PCDHA1: variants seen among roughly 807,000 people sequenced by gnomAD.
PCDHA1 encodes protocadherin alpha-1.
A neutral mutation model predicts 61.3 loss-of-function variants in PCDHA1; 42 were observed. The observed-to-expected ratio is 0.69, with a 90% confidence interval of 0.54 to 0.89. The LOEUF is 0.89. PCDHA1 is among the 40% of genes least tolerant of loss of function. The pLI, the probability that PCDHA1 is intolerant of heterozygous loss-of-function variation, is 0.00. For synonymous variants in PCDHA1, 610 were observed against 553.8 expected, an observed-to-expected ratio of 1.10 and a Z score of -1.43; for missense variants, 1,256 against 1,235.3, an observed-to-expected ratio of 1.02 and a Z score of -0.25.
chr5:140,843,741 A>T, intron 1 of PCDHA1: 3 of 1,536,408 alleles, frequency 2.0e-6, no homozygotes. Context: ...TTTAGAACTC[A>T]TAAATTCTAT....
At chr5:140,815,350 A>G (rs1244675676) in intron 1 of PCDHA1, 1 of 151,840 alleles carries the variant, frequency 6.6e-6, no homozygotes, top group East Asian at 1.9e-4. Context: ...TCTTTTGTAT[A>G]TCTTCCATAG....
intron 1 of PCDHA1, chr5:140,805,116 A>G (rs1237951232): frequency 1.3e-6 from 2 of 1,587,236 alleles, no homozygotes; most frequent in Non-Finnish European, 8.5e-7. Flanking sequence ...GTCTAACAAG[A>G]CTCTTGGCAA....
intron 1 of PCDHA1, among the ~76,000 whole-genome samples, chr5:140,838,763 C>A (rs1486404457): frequency 6.6e-6 from 1 of 151,830 alleles, no homozygotes; most frequent in Non-Finnish European, 1.5e-5. Context: ...TTTGTAGAGA[C>A]TTTGTAAAAT....
intron 1 of PCDHA1, chr5:140,805,565 A>C (rs1763594413): frequency 1.0e-6 from 1 of 969,672 alleles, no homozygotes; most frequent in Non-Finnish European, 1.2e-6. Context: ...AGGCAAGGAA[A>C]GTTTTTAAAT....
intron 1 of PCDHA1, chr5:140,863,555 T>A (rs2153224638): frequency 2.6e-6 from 1 of 378,382 alleles, no homozygotes; most frequent in East Asian, 6.5e-5. Flanking sequence ...CAATAGGAAA[T>A]TTTTGAGAAT....
At position 140,798,118 on chromosome 5, in the gene PCDHA1, C is replaced by G. The variant is rs147658023; in HGVS notation, c.2394+9434C>G. 7.7e-3 allele frequency among the ~76,000 whole-genome samples: 1,170 copies of G among 152,180 alleles called. 14 individuals are homozygous for G. The highest frequency in any genetic ancestry group is 0.027 in the African/African-American group (1,120 of 41,514). ...AACTCCTGGCCTCAAGTGATCCACC[C>G]TCCTAGGCCTCCCAAAGTGCTGGGA... On this transcript the variant is annotated intron_variant, in intron 1 of 3. Coordinates refer to ENST00000504120, the MANE Select transcript of PCDHA1 (RefSeq NM_018900.4).
intron 1 of PCDHA1, among the ~76,000 whole-genome samples, chr5:140,798,713 G>A (rs574253154): frequency 2.6e-5 from 4 of 152,264 alleles, no homozygotes; most frequent in African/African-American, 9.6e-5. Flanking sequence ...GCCTGGTCTT[G>A]GATGACTACA....
chr5:140,801,002 C>A, intron 1 of PCDHA1: 1 of 1,406,070 alleles, frequency 7.1e-7, no homozygotes, highest in South Asian at 1.7e-5. Flanking sequence ...CGTTTAGCCA[C>A]ATGATGTCGC....
At chr5:140,966,246 G>T (rs184430396) in intron 1 of PCDHA1, 5 of 319,412 alleles carry the variant, frequency 1.6e-5, no homozygotes, top group African/African-American at 6.4e-5. Flanking sequence ...TTAAGCAGGG[G>T]AGAGACGGTG....
chr5:140,928,792 G>T (rs1190569981), intron 1 of PCDHA1: 1 of 1,614,048 alleles, frequency 6.2e-7, no homozygotes, highest in African/African-American at 1.3e-5. Context: ...TAAGCAGAGG[G>T]TGGTGGTAGT....
intron 1 of PCDHA1, chr5:140,882,650 G>A (rs782695823): frequency 8.1e-6 from 13 of 1,614,212 alleles, no homozygotes; most frequent in Non-Finnish European, 8.5e-6. Context: ...GGACATTAAC[G>A]ACAACCCGCC....
intron 1 of PCDHA1, chr5:140,852,581 TA>T (rs1417948618): frequency 2.2e-5 from 18 of 832,290 alleles, no homozygotes; most frequent in South Asian, 5.3e-5. Flanking sequence ...AAGGCTTTTT[TA>T]TTTTTTTTTT....
At chr5:140,835,998 G>C in intron 1 of PCDHA1, 1 of 1,613,382 alleles carries the variant, frequency 6.2e-7, no homozygotes, top group African/African-American at 1.3e-5. Flanking sequence ...GAGCGCGCGC[G>C]ATGCGGGCGT....
At chr5:140,911,437 G>A (rs530362672) in intron 1 of PCDHA1, among the ~76,000 whole-genome samples, 3 of 152,166 alleles carry the variant, frequency 2.0e-5, no homozygotes, top group East Asian at 3.9e-4. Context: ...CCAATTTCCC[G>A]CAATTTCAGC....
At chr5:140,864,296 A>T (rs1232211439) in intron 1 of PCDHA1, 1 of 152,194 alleles carries the variant, frequency 6.6e-6, no homozygotes, top group African/African-American at 2.4e-5. Context: ...TATGTATTCA[A>T]AAATACCATG....
intron 1 of PCDHA1, chr5:140,807,065 A>G (rs1763837817): frequency 8.9e-7 from 1 of 1,125,474 alleles, no homozygotes; most frequent in Non-Finnish European, 1.3e-6. Context: ...ACTGGAAGGA[A>G]CCATATACAC....
intron 1 of PCDHA1, among the ~76,000 whole-genome samples, chr5:140,911,641 C>A (rs1403591383): frequency 6.6e-6 from 1 of 152,174 alleles, no homozygotes; most frequent in East Asian, 1.9e-4. Flanking sequence ...AAAGGTATTA[C>A]ATATAGAGTT....
chr5:140,973,639 T>C (rs1563426866), intron 1 of PCDHA1, among the ~76,000 whole-genome samples: 2 of 152,362 alleles, frequency 1.3e-5, no homozygotes, highest in East Asian at 3.9e-4. Context: ...GTACACATTC[T>C]GACTGAAGAA....
At chr5:140,924,891 T>C (rs549129193) in intron 1 of PCDHA1, among the ~76,000 whole-genome samples, 1 of 88,410 alleles carries the variant, frequency 1.1e-5, no homozygotes, top group African/African-American at 5.1e-5. Context: ...CAAGAACCTG[T>C]CTCAAAAAAA....
Sources: gnomAD v4.1 joint callset for allele counts (sites outside exome capture counted in the v4.1 genomes callset) on GRCh38, gnomAD v4.1.1 for gene constraint, MANE v1.5 for transcripts, NCBI Gene and HGNC (gene_info 2026-07-23, HGNC 2026-07-21) for gene names.